Variants in CEP152 observed in about 807,000 individuals in gnomAD.
CEP152 encodes centrosomal protein of 152 kDa.
A neutral mutation model predicts 188.9 loss-of-function variants in CEP152; 132 were observed. That is an observed-to-expected ratio of 0.70 (90% confidence interval 0.61 to 0.81). The LOEUF (loss-of-function observed/expected upper bound fraction) is 0.81, where lower values mean the gene tolerates loss of function less well. CEP152 is among the 30% of genes least tolerant of loss of function. The pLI is 0.00. For synonymous variants in CEP152, 649 were observed against 666.6 expected (o/e 0.97, Z 0.41); for missense variants, 1,914 against 1,969.8 (o/e 0.97, Z 0.54).
At chr15:48,793,200 C>G (rs1166250753) in intron 7 of CEP152, 121 bp downstream of exon 7, 1 of 1,153,320 alleles carries the variant, frequency 8.7e-7, no homozygotes, top group Non-Finnish European at 1.3e-6. Flanking sequence ...CTATGCCTCA[C>G]TCACTATGAG....
At chr15:48,799,026 T>C (rs1477398563) in intron 2 of CEP152, among the ~76,000 whole-genome samples, 1 of 152,192 alleles carries the variant, frequency 6.6e-6, no homozygotes, top group African/African-American at 2.4e-5. Flanking sequence ...CTGTTTCTAA[T>C]TACTTCTCTT....
intron 21 of CEP152, among the ~76,000 whole-genome samples, chr15:48,750,962 T>A (rs1366776539): frequency 6.6e-6 from 1 of 152,180 alleles, no homozygotes; most frequent in African/African-American, 2.4e-5. Context: ...TCCTGGTTGC[T>A]AGGCTTCATA....
At position 48,797,316 on chromosome 15, in the gene CEP152, T is replaced by A. The variant is rs765765354; in HGVS notation, c.525A>T (p.Gln175His). 6.2e-7 allele frequency: 1 copy of A among 1,614,068 alleles called. No individual in the cohort carries two copies. Among genetic ancestry groups the A allele is most frequent in the South Asian group, 1.1e-5 (1 of 91,078 alleles). Residue 175 changes from glutamine (Q) to histidine (H), a missense_variant, in exon 5 of 27, where the codon CAA becomes CAT. Physicochemically the swap from Gln to His is conservative, Grantham distance 24. Coordinates refer to ENST00000380950, the MANE Select transcript of CEP152 (RefSeq NM_001194998.2). ...TTTACAATACCTGAAAATGGTTCCA[T>A]TGAGGATCTGAAAATTTAATTACAT... ...ATNVIKFSDP[Q>H]WNHFQGPSCQ...
intron 9 of CEP152, among the ~76,000 whole-genome samples, chr15:48,786,722 G>T (rs531818117): frequency 6.6e-6 from 1 of 152,104 alleles, no homozygotes; most frequent in Non-Finnish European, 1.5e-5. Context: ...GGCAAAGAAC[G>T]TAACAGTGGG....
intron 1 of CEP152, among the ~76,000 whole-genome samples, chr15:48,808,458 C>T (rs1316397338): frequency 6.6e-6 from 1 of 151,470 alleles, no homozygotes; most frequent in Non-Finnish European, 1.5e-5. Flanking sequence ...GACAAAGTCC[C>T]AATATAAAAT....
At chr15:48,734,514 A>C (rs955072624), downstream of CEP152, among the ~76,000 whole-genome samples, 19 of 151,924 alleles carry the variant, frequency 1.3e-4, no homozygotes, top group African/African-American at 3.9e-4. Flanking sequence ...AAATAGCAAA[A>C]TGGAAAATGC....
chr15:48,796,088 T>C lies in CEP152; in HGVS notation c.613A>G (p.Asn205Asp). 6.2e-7 allele frequency: 1 copy of C among 1,613,936 alleles called. No individual in the cohort carries two copies. The highest frequency in any genetic ancestry group is 1.1e-5 in the South Asian group (1 of 91,068). Residue 205 changes from asparagine (N) to aspartate (D), a missense_variant, in exon 6 of 27, where the codon AAT (asparagine) becomes GAT (aspartate). Asn to Asp is a conservative substitution (Grantham distance 23). Transcript: ENST00000380950. ...GTTATCTCCTGGGCTGGTGAGCCATTATTCTGGGCAGAAGACTGATAAGGT... is the reference window on the plus strand; with the variant it reads ...GTTATCTCCTGGGCTGGTGAGCCATCATTCTGGGCAGAAGACTGATAAGGT... ...YKPYQSSAQN[N>D]GSPAQEITGS...
At chr15:48,774,476 G>C (rs1050764522) in intron 12 of CEP152, among the ~76,000 whole-genome samples, 1 of 152,148 alleles carries the variant, frequency 6.6e-6, no homozygotes, top group Admixed American at 6.5e-5. Flanking sequence ...CTCCCGGAGA[G>C]AAAAGAACCA....
intron 7 of CEP152, 66 bp downstream of exon 7, chr15:48,793,255 T>C (rs1291100869): frequency 1.9e-6 from 3 of 1,581,654 alleles, no homozygotes; most frequent in Admixed American, 3.3e-5. Context: ...GTATGTAATC[T>C]GAGGTTATTG....
intron 9 of CEP152, among the ~76,000 whole-genome samples, chr15:48,786,295 A>T (rs748329108): frequency 1.3e-5 from 2 of 152,040 alleles, no homozygotes; most frequent in Non-Finnish European, 2.9e-5. Flanking sequence ...CTAGGAGAGA[A>T]TTATGACATT....
chr15:48,794,944 A>G (rs748467257), intron 6 of CEP152, among the ~76,000 whole-genome samples: 2 of 152,224 alleles, frequency 1.3e-5, no homozygotes, highest in Non-Finnish European at 2.9e-5. Flanking sequence ...AAGCAACAAT[A>G]TGAAGTCACA....
rs1252894590 is a variant in CEP152 at position 48,748,519 on chromosome 15, T to C, written c.3558A>G (p.Lys1186=). ...EKAKQECQDL[K]GKLEKCCRHL... ...GCCTACAGCATTTCTCCAGTTTTCC[T>C]TTCAGATCTTGACATTCCTGCTTTG... Residue 1186 remains lysine, a synonymous_variant, in exon 22 of 27, where the codon AAA becomes AAG. Transcript: ENST00000380950. The C allele has an allele frequency of 6.5e-7, 1 of 1,535,160 alleles. No homozygotes were observed. Among genetic ancestry groups the C allele is most frequent in the Non-Finnish European group, 8.7e-7 (1 of 1,146,422 alleles).
chr15:48,781,504 A>G, intron 11 of CEP152, 145 bp from the exon 12 acceptor site: 3 of 636,060 alleles, frequency 4.7e-6, no homozygotes, highest in Non-Finnish European at 8.2e-6. Context: ...ATACTTTATA[A>G]AGGTCGGCAT....
At chr15:48,806,343 A>AAGC (rs1321990573) in intron 1 of CEP152, among the ~76,000 whole-genome samples, 1 of 152,226 alleles carries the variant, frequency 6.6e-6, no homozygotes, top group Non-Finnish European at 1.5e-5. Flanking sequence ...GCTGCGGCAG[A>AAGC]AGCAGCAGCA....
chr15:48,800,193 A>C (rs1897589874), intron 2 of CEP152, among the ~76,000 whole-genome samples: 1 of 152,238 alleles, frequency 6.6e-6, no homozygotes, highest in South Asian at 2.1e-4. Flanking sequence ...TTCTGGATAC[A>C]TACATAAACA....
chr15:48,768,929 T>C (rs1567000209), intron 14 of CEP152, 27 bp downstream of exon 14: 17 of 1,416,492 alleles, frequency 1.2e-5, no homozygotes, highest in Non-Finnish European at 1.6e-5. Context: ...AAAATTCTCA[T>C]AAAATATAAA....
At chr15:48,733,099 A>G (rs1892480710), downstream of CEP152, among the ~76,000 whole-genome samples, 2 of 152,218 alleles carry the variant, frequency 1.3e-5, no homozygotes, top group Admixed American at 1.3e-4. Flanking sequence ...ATATACATAC[A>G]TATATATAAA....
chr15:48,748,395 A>G, intron 22 of CEP152, 48 bp downstream of exon 22: 1 of 1,477,872 alleles, frequency 6.8e-7, no homozygotes, highest in Non-Finnish European at 8.9e-7. Context: ...CATTTCAACA[A>G]GGATCAAAGA....
At chr15:48,766,019 GA>G (rs1895063384) in intron 17 of CEP152, among the ~76,000 whole-genome samples, 1 of 151,988 alleles carries the variant, frequency 6.6e-6, no homozygotes, top group Non-Finnish European at 1.5e-5. Flanking sequence ...AAACATTACT[GA>G]AAGCTAAGTC....
Sources: gnomAD v4.1 joint callset for allele counts (sites outside exome capture counted in the v4.1 genomes callset) on GRCh38, gnomAD v4.1.1 for gene constraint, MANE v1.5 for transcripts, NCBI Gene and HGNC (gene_info 2026-07-23, HGNC 2026-07-21) for gene names.